Variants in EDNRA observed in about 807,000 individuals in gnomAD.
EDNRA encodes endothelin-1 receptor.
A neutral mutation model predicts 41.4 loss-of-function variants in EDNRA; 11 were observed. That is an observed-to-expected ratio of 0.27 (90% confidence interval 0.17 to 0.44). The LOEUF (loss-of-function observed/expected upper bound fraction) is 0.44, where lower values mean the gene tolerates loss of function less well. EDNRA is among the 20% of genes least tolerant of loss of function. The pLI, the probability that EDNRA is intolerant of heterozygous loss-of-function variation, is 1.00. For synonymous variants in EDNRA, 172 were observed against 183.0 expected, an observed-to-expected ratio of 0.94 and a Z score of 0.49; for missense variants, 294 against 531.0, an observed-to-expected ratio of 0.55 and a Z score of 4.39.
chr4:147,505,773 C>T (rs1008785622), intron 2 of EDNRA, among the ~76,000 whole-genome samples: 5 of 150,454 alleles, frequency 3.3e-5, no homozygotes, highest in African/African-American at 7.3e-5. Context: ...CTCAGCCTCC[C>T]GAGTAGCTGG....
intron 2 of EDNRA, among the ~76,000 whole-genome samples, chr4:147,513,416 A>G (rs994941221): frequency 1.3e-5 from 2 of 152,260 alleles, no homozygotes; most frequent in Admixed American, 1.3e-4. Context: ...CAATTAATGC[A>G]TAACAGAAGA....
intron 2 of EDNRA, among the ~76,000 whole-genome samples, chr4:147,517,632 T>C (rs926795070): frequency 6.6e-6 from 1 of 152,158 alleles, no homozygotes; most frequent in African/African-American, 2.4e-5. Context: ...TTATCTATAA[T>C]TCCCAAGAAG....
At position 147,507,699 on chromosome 4, in the gene EDNRA, G is replaced by A. The variant is rs565749522; in HGVS notation, c.421-12152G>A. On this transcript the variant is annotated intron_variant, in intron 2 of 7. Coordinates refer to ENST00000651419, the MANE Select transcript of EDNRA (RefSeq NM_001957.4). ...CACAAATTAGTATATGTGAAACTGG[G>A]GAAATAAAATAATATTGGTAGATTA... Among the ~76,000 whole-genome samples, 6 of 152,090 alleles carry A rather than the reference G, an allele frequency of 3.9e-5. No individual in the cohort carries two copies. The East Asian group carries it at 1.2e-3, about 29-fold the overall frequency.
At chr4:147,520,439 A>C (rs1730282704) in intron 3 of EDNRA, 1 of 519,070 alleles carries the variant, frequency 1.9e-6, no homozygotes, top group Non-Finnish European at 3.8e-6. Flanking sequence ...ATGTTTCATA[A>C]GTTTTAAAAA....
chr4:147,516,824 G>A (rs997909515), intron 2 of EDNRA, among the ~76,000 whole-genome samples: 2 of 151,988 alleles, frequency 1.3e-5, no homozygotes, highest in Non-Finnish European at 2.9e-5. Context: ...CTCTTAAACA[G>A]TTACTTATTT....
intron 2 of EDNRA, among the ~76,000 whole-genome samples, chr4:147,497,940 T>G (rs560348276): frequency 1.3e-5 from 2 of 152,254 alleles, no homozygotes; most frequent in Non-Finnish European, 2.9e-5. Context: ...CTAAAAATGT[T>G]CATTGAAAGT....
chr4:147,511,195 A>T (rs1459044312), intron 2 of EDNRA, among the ~76,000 whole-genome samples: 1 of 152,168 alleles, frequency 6.6e-6, no homozygotes, highest in African/African-American at 2.4e-5. Context: ...CTAAAACTTT[A>T]TAGTGAATTA....
chr4:147,513,694 C>A (rs1730001174), intron 2 of EDNRA, among the ~76,000 whole-genome samples: 1 of 152,074 alleles, frequency 6.6e-6, no homozygotes. Context: ...TCTAAGCGAC[C>A]CTATAATAAT....
intron 2 of EDNRA, chr4:147,493,316 C>G (rs1039209040): frequency 1.3e-5 from 2 of 151,958 alleles, no homozygotes; most frequent in African/African-American, 2.4e-5. Flanking sequence ...GCATTCTGAT[C>G]AATAAAAGCA....
intron 2 of EDNRA, among the ~76,000 whole-genome samples, chr4:147,514,896 G>A (rs1432485474): frequency 6.6e-6 from 1 of 152,172 alleles, no homozygotes; most frequent in East Asian, 1.9e-4. Context: ...TCAAAGTATG[G>A]TTGGTGAGCC....
chr4:147,491,026 A>G (rs1729120418), intron 2 of EDNRA: 1 of 152,188 alleles, frequency 6.6e-6, no homozygotes, highest in African/African-American at 2.4e-5. Flanking sequence ...CGTGGATAAT[A>G]TGCCACGTAA....
intron 2 of EDNRA, among the ~76,000 whole-genome samples, chr4:147,501,275 A>G (rs573642885): frequency 6.6e-6 from 1 of 152,362 alleles, no homozygotes; most frequent in East Asian, 1.9e-4. Context: ...TTCTTGGTAC[A>G]TGCCATATTC....
intron 2 of EDNRA, among the ~76,000 whole-genome samples, chr4:147,501,529 A>G (rs895376461): frequency 2.0e-5 from 3 of 152,186 alleles, no homozygotes; most frequent in Non-Finnish European, 4.4e-5. Context: ...CCCACCCTCT[A>G]TAGCGAATCA....
intron 7 of EDNRA, among the ~76,000 whole-genome samples, chr4:147,541,540 C>G (rs539945783): frequency 2.0e-5 from 3 of 152,188 alleles, no homozygotes; most frequent in African/African-American, 4.8e-5. Flanking sequence ...CACAGTATCT[C>G]TCTCATAAGG....
In EDNRA at chr4:147,526,476, T is replaced by A. The variant is rs561962176; in HGVS notation, c.549-6030T>A. ...TCTCCCCCTCCATGTAGTCTCAGGG[T>A]CCTCTCTGTTTTTGCTCCAGCAGGC... On this transcript the variant is annotated intron_variant, in intron 3 of 7. Coordinates refer to ENST00000651419, the MANE Select transcript of EDNRA (RefSeq NM_001957.4). 1.5e-4 allele frequency among the ~76,000 whole-genome samples: 23 copies of A among 152,270 alleles called. No individual in the cohort carries two copies. The South Asian group carries it at 2.3e-3, about 15-fold the overall frequency.
intron 2 of EDNRA, among the ~76,000 whole-genome samples, chr4:147,504,957 CAAAAAA>C (rs57911108): frequency 2.6e-5 from 1 of 39,042 alleles, no homozygotes. Context: ...GACCCTGTCT[CAAAAAA>C]AAAAAAAAAA....
At chr4:147,516,154 G>A (rs1223621448) in intron 2 of EDNRA, among the ~76,000 whole-genome samples, 1 of 152,190 alleles carries the variant, frequency 6.6e-6, no homozygotes, top group Non-Finnish European at 1.5e-5. Flanking sequence ...TCTGTGATCT[G>A]CTTGAGAAGA....
At chr4:147,498,921 T>C (rs1390639726) in intron 2 of EDNRA, among the ~76,000 whole-genome samples, 1 of 152,216 alleles carries the variant, frequency 6.6e-6, no homozygotes, top group Non-Finnish European at 1.5e-5. Context: ...TAACCTTTGA[T>C]ATTTTTAAGT....
chr4:147,502,574 G>C (rs569894794), intron 2 of EDNRA, among the ~76,000 whole-genome samples: 1 of 152,084 alleles, frequency 6.6e-6, no homozygotes, highest in East Asian at 1.9e-4. Context: ...AAATATTACA[G>C]TTTTGAAAAC....
Sources: gnomAD v4.1 joint callset for allele counts (sites outside exome capture counted in the v4.1 genomes callset) on GRCh38, gnomAD v4.1.1 for gene constraint, MANE v1.5 for transcripts, NCBI Gene and HGNC (gene_info 2026-07-23, HGNC 2026-07-21) for gene names.